ROBO1: variants seen among roughly 807,000 people sequenced by gnomAD.
ROBO1 encodes roundabout guidance receptor 1.
A neutral mutation model predicts 195.9 loss-of-function variants in ROBO1; 149 were observed. The ratio of observed to expected loss-of-function variants is 0.76; its 90% CI spans 0.67 to 0.87. The LOEUF is 0.87. Ranked by LOEUF, ROBO1 falls within the 40% of genes least tolerant of loss-of-function variation. The pLI is 0.00. For missense variants in ROBO1, 1,933 were observed against 2,068.3 expected (o/e 0.93, Z 1.27); for synonymous variants, 816 against 733.2 (o/e 1.11, Z -1.82).
chr3:79,240,561 G>A (rs1389682807), intron 2 of ROBO1, among the ~76,000 whole-genome samples: 2 of 152,136 alleles, frequency 1.3e-5, no homozygotes, highest in African/African-American at 4.8e-5. Flanking sequence ...AAACTTTTCA[G>A]TGTATTCATA....
chr3:79,444,092 G>A (rs544688679), intron 2 of ROBO1, among the ~76,000 whole-genome samples: 1 of 152,044 alleles, frequency 6.6e-6, no homozygotes, highest in African/African-American at 2.4e-5. Flanking sequence ...CACCTTGGAA[G>A]GAGTTTTTTT....
chr3:79,336,346 G>T (rs1334404324), intron 2 of ROBO1, among the ~76,000 whole-genome samples: 1 of 152,226 alleles, frequency 6.6e-6, no homozygotes, highest in Non-Finnish European at 1.5e-5. Context: ...GGGCCTCCCT[G>T]CTCTTTGTAG....
At chr3:79,558,657 C>T (rs952324873) in intron 2 of ROBO1, among the ~76,000 whole-genome samples, 4 of 151,980 alleles carry the variant, frequency 2.6e-5, no homozygotes, top group African/African-American at 7.2e-5. Context: ...AAGATCTGGA[C>T]TACATTAGGT....
intron 2 of ROBO1, among the ~76,000 whole-genome samples, chr3:79,496,210 C>T (rs1373471722): frequency 2.8e-5 from 2 of 70,606 alleles, no homozygotes; most frequent in African/African-American, 1.7e-4. Flanking sequence ...AAGACTCTGT[C>T]TCAAAAAAAA....
chr3:79,473,729 T>C (rs1303716933), intron 2 of ROBO1, among the ~76,000 whole-genome samples: 1 of 152,182 alleles, frequency 6.6e-6, no homozygotes, highest in Non-Finnish European at 1.5e-5. Flanking sequence ...TTTTCAATTA[T>C]TTTAAGATAC....
chr3:79,080,403 T>A (rs1043532903), intron 3 of ROBO1, among the ~76,000 whole-genome samples: 8 of 152,026 alleles, frequency 5.3e-5, no homozygotes, highest in Admixed American at 2.0e-4. Flanking sequence ...ATAATTTGTA[T>A]CAAGTTTAAG....
chr3:78,914,057 C>T (rs903429444), intron 4 of ROBO1, among the ~76,000 whole-genome samples: 1 of 152,086 alleles, frequency 6.6e-6, no homozygotes, highest in East Asian at 1.9e-4. Flanking sequence ...TCAAAAGAAA[C>T]AAATGGCAGT....
chr3:79,629,844 G>A (rs962248092), intron 1 of ROBO1, among the ~76,000 whole-genome samples: 6 of 151,930 alleles, frequency 3.9e-5, no homozygotes, highest in Admixed American at 3.9e-4. Flanking sequence ...TAAAATATCA[G>A]AGGCTACTAT....
chr3:79,216,247 T>C (rs2082053946), intron 2 of ROBO1, among the ~76,000 whole-genome samples: 3 of 152,074 alleles, frequency 2.0e-5, no homozygotes, highest in Admixed American at 6.6e-5. Context: ...ATTATCAGAA[T>C]GGAAATGACA....
intron 1 of ROBO1, among the ~76,000 whole-genome samples, chr3:79,726,866 G>C (rs954606654): frequency 6.6e-6 from 1 of 152,124 alleles, no homozygotes; most frequent in Non-Finnish European, 1.5e-5. Flanking sequence ...ATATGTGAGG[G>C]GAATGGGGGA....
intron 2 of ROBO1, among the ~76,000 whole-genome samples, chr3:79,258,417 C>T (rs1366458434): frequency 6.6e-6 from 1 of 152,148 alleles, no homozygotes; most frequent in African/African-American, 2.4e-5. Flanking sequence ...GTAGCCTCTC[C>T]TTTTAAAAAC....
intron 2 of ROBO1, among the ~76,000 whole-genome samples, chr3:79,549,561 T>C (rs553651607): frequency 2.8e-4 from 42 of 152,282 alleles, no homozygotes; most frequent in African/African-American, 9.6e-4. Context: ...CCCAAAAGAA[T>C]ATAGTACAAC....
intron 1 of ROBO1, among the ~76,000 whole-genome samples, chr3:79,666,951 G>A (rs1172889320): frequency 4.0e-5 from 6 of 151,844 alleles, no homozygotes; most frequent in Non-Finnish European, 7.4e-5. Context: ...GAGTCTAGAT[G>A]ACTGGATCTC....
intron 1 of ROBO1, among the ~76,000 whole-genome samples, chr3:79,617,820 CAAAAA>C (rs60181598): frequency 3.5e-5 from 2 of 57,886 alleles, no homozygotes; most frequent in African/African-American, 7.6e-5. Context: ...GACTCTGTCT[CAAAAA>C]AAAAAAAAAA....
chr3:78,692,963 A>C, intron 8 of ROBO1: 1 of 168,286 alleles, frequency 5.9e-6, no homozygotes, highest in East Asian at 1.6e-4. Flanking sequence ...ATGAATTCAC[A>C]AATATATTTT....
At chr3:79,534,313 A>C (rs1437899141) in intron 2 of ROBO1, among the ~76,000 whole-genome samples, 8 of 152,096 alleles carry the variant, frequency 5.3e-5, no homozygotes, top group Non-Finnish European at 1.2e-4. Context: ...TAAATCTGTG[A>C]TGATTTTATA....
intron 2 of ROBO1, among the ~76,000 whole-genome samples, chr3:79,418,823 C>T (rs990925079): frequency 6.6e-6 from 1 of 152,022 alleles, no homozygotes; most frequent in African/African-American, 2.4e-5. Flanking sequence ...AAATAAAATA[C>T]AAATAAATCA....
chr3:79,533,837 T>A (rs146478925), intron 2 of ROBO1, among the ~76,000 whole-genome samples: 31 of 152,218 alleles, frequency 2.0e-4, no homozygotes, highest in Non-Finnish European at 3.8e-4. Flanking sequence ...ATACTGATAG[T>A]TTTTTAGTGG....
intron 1 of ROBO1, among the ~76,000 whole-genome samples, chr3:79,700,317 TTGTGTGTGTG>T (rs71130610): frequency 6.9e-6 from 1 of 144,148 alleles, no homozygotes; most frequent in African/African-American, 2.6e-5. Context: ...GTGTGTGTGT[TTGTGTGTGTG>T]TGTGTGTGTG....
Sources: allele counts gnomAD v4.1 joint callset (sites outside exome capture counted in the v4.1 genomes callset), GRCh38; gene constraint gnomAD v4.1.1; transcripts MANE v1.5; gene names NCBI Gene and HGNC (gene_info 2026-07-23, HGNC 2026-07-21).